The following MCUB variants were observed in gnomAD, a reference collection of about 807,000 sequenced individuals.
MCUB encodes calcium uniporter regulatory subunit MCUb, mitochondrial.
MCUB carries 46 observed loss-of-function variants against 41.4 expected under a neutral mutation model. That is an observed-to-expected ratio of 1.11 (90% CI 0.88 to 1.42). The LOEUF (loss-of-function observed/expected upper bound fraction) is 1.42, where lower values mean the gene tolerates loss of function less well. MCUB is among the 40% of genes most tolerant of loss of function. The pLI, the probability that MCUB is intolerant of heterozygous loss-of-function variation, is 0.00. For synonymous variants in MCUB, 148 were observed against 148.2 expected (o/e 1.00, Z 0.01); for missense variants, 403 against 404.9 (o/e 1.00, Z 0.04).
chr4:109,618,655 A>G (rs1406597060), intron 1 of MCUB, among the ~76,000 whole-genome samples: 2 of 152,244 alleles, frequency 1.3e-5, no homozygotes, highest in Non-Finnish European at 2.9e-5. Context: ...ATAATTAGCA[A>G]AGATACAAAA....
intron 1 of MCUB, among the ~76,000 whole-genome samples, chr4:109,568,989 T>A (rs908445861): frequency 1.3e-4 from 20 of 152,234 alleles, no homozygotes; most frequent in African/African-American, 3.1e-4. Context: ...GAAGATTTTT[T>A]AAAAGTTAAC....
At chr4:109,632,006 T>A (rs1160503367) in intron 1 of MCUB, among the ~76,000 whole-genome samples, 1 of 152,146 alleles carries the variant, frequency 6.6e-6, no homozygotes, top group Non-Finnish European at 1.5e-5. Flanking sequence ...TTGGCGCTGA[T>A]GCTTGTGTAT....
chr4:109,653,369 A>G (rs1579084796), intron 1 of MCUB, among the ~76,000 whole-genome samples: 1 of 148,624 alleles, frequency 6.7e-6, no homozygotes, highest in Non-Finnish European at 1.5e-5. Flanking sequence ...ACAGAGCAAG[A>G]CCCCGTCTTA....
At chr4:109,664,153 T>C in intron 3 of MCUB, 137 bp from the exon 4 acceptor site, 1 of 629,992 alleles carries the variant, frequency 1.6e-6, no homozygotes, top group Non-Finnish European at 2.8e-6. Flanking sequence ...GTGTTTGGGT[T>C]TGGGGACACC....
intron 1 of MCUB, among the ~76,000 whole-genome samples, chr4:109,652,596 A>G (rs1421159084): frequency 6.6e-6 from 1 of 152,136 alleles, no homozygotes; most frequent in Non-Finnish European, 1.5e-5. Context: ...GCGGAGAGAG[A>G]AAGCTCAATC....
chr4:109,597,046 G>C (rs1197616675), intron 1 of MCUB, among the ~76,000 whole-genome samples: 69 of 151,648 alleles, frequency 4.6e-4, no homozygotes, highest in African/African-American at 1.5e-3. Context: ...CACAGGGTTG[G>C]GGGTAAGGTC....
chr4:109,677,682 C>T (rs916791856), intron 4 of MCUB, among the ~76,000 whole-genome samples: 1 of 152,090 alleles, frequency 6.6e-6, no homozygotes, highest in Admixed American at 6.6e-5. Context: ...CTCTCTCTCA[C>T]CCACGTAATG....
At chr4:109,581,101 G>C (rs1288882835) in intron 1 of MCUB, among the ~76,000 whole-genome samples, 2 of 152,180 alleles carry the variant, frequency 1.3e-5, no homozygotes, top group Non-Finnish European at 2.9e-5. Context: ...AACAAAGCTG[G>C]AGGCATCATG....
At chr4:109,564,478 C>G (rs1333631499) in intron 1 of MCUB, among the ~76,000 whole-genome samples, 1 of 152,180 alleles carries the variant, frequency 6.6e-6, no homozygotes, top group African/African-American at 2.4e-5. Context: ...TCTTGCCTCT[C>G]TTTCACTGTT....
intron 1 of MCUB, among the ~76,000 whole-genome samples, chr4:109,617,276 G>A (rs1244803857): frequency 6.6e-6 from 1 of 152,162 alleles, no homozygotes; most frequent in Non-Finnish European, 1.5e-5. Flanking sequence ...CATTTTGATA[G>A]GGCAATTTTT....
intron 4 of MCUB, among the ~76,000 whole-genome samples, chr4:109,676,187 G>A (rs920078267): frequency 2.6e-5 from 4 of 152,116 alleles, no homozygotes; most frequent in African/African-American, 9.7e-5. Context: ...ATAGCTGTAG[G>A]AAGTCTAAAA....
intron 7 of MCUB, among the ~76,000 whole-genome samples, chr4:109,686,882 T>TA (rs1259452855): frequency 6.6e-6 from 1 of 150,900 alleles, no homozygotes; most frequent in African/African-American, 2.4e-5. Flanking sequence ...ATCTCTAAAA[T>TA]AAAAAAATTT....
rs749852462 is a variant in MCUB, at chr4:109,684,572, A to G, written c.742A>G (p.Met248Val). Residue 248 changes from methionine to valine, a missense_variant, in exon 6 of 8, where the codon ATG (methionine) becomes GTG (valine). Met to Val is a conservative substitution (Grantham distance 21, BLOSUM62 1). Transcript: ENST00000394650. ...GTGGTGGGTGTACTCCTGGGATATC[A>G]TGGAGCCAGTTACATACTTCATCAC... ...LTWWVYSWDI[M>V]EPVTYFITFA... is the part of the protein sequence containing the mutation. 3 of 1,605,062 alleles carry G rather than the reference A, an allele frequency of 1.9e-6. No individual in the cohort carries two copies. Among genetic ancestry groups the G allele is most frequent in the East Asian group, 4.5e-5 (2 of 44,848 alleles).
At chr4:109,664,417 T>C in intron 4 of MCUB, 23 bp downstream of exon 4, 1 of 856,754 alleles carries the variant, frequency 1.2e-6, no homozygotes. Flanking sequence ...GCTATCCAAC[T>C]ATTACTTTTT....
chr4:109,648,762 G>T (rs1728895127), intron 1 of MCUB: 4 of 330,968 alleles, frequency 1.2e-5, no homozygotes, highest in Non-Finnish European at 2.3e-5. Flanking sequence ...TTGACGCTCA[G>T]TGTGAGATTC....
At chr4:109,632,089 G>A (rs1217335103) in intron 1 of MCUB, among the ~76,000 whole-genome samples, 2 of 152,104 alleles carry the variant, frequency 1.3e-5, no homozygotes, top group Non-Finnish European at 2.9e-5. Context: ...TTATTAAGGA[G>A]CACTAAGATC....
At position 109,664,410 on chromosome 4, in the gene MCUB, A is replaced by T. The variant is rs754158682; in HGVS notation, c.451+16A>T. ...CCAAAGAGAGGTAAGAAACACAGCT[A>T]TCCAACTATTACTTTTTTTTTTTTT... On this transcript the variant is annotated intron_variant, in intron 4 of 7. Coordinates refer to ENST00000394650, the MANE Select transcript of MCUB (RefSeq NM_017918.5). 1 of 956,630 alleles carries T rather than the reference A, an allele frequency of 1.0e-6. No individual in the cohort carries two copies. The highest frequency in any genetic ancestry group is 1.6e-6 in the Non-Finnish European group (1 of 619,740). The allele number at this position is 956,630 out of a possible 1,614,324, so 59.3% of individuals were successfully genotyped here.
intron 4 of MCUB, among the ~76,000 whole-genome samples, chr4:109,667,810 A>G (rs1030800789): frequency 2.0e-5 from 3 of 151,246 alleles, no homozygotes; most frequent in African/African-American, 4.8e-5. Context: ...CCCTCTGAGC[A>G]TTGCTTTCAC....
chr4:109,633,741 G>A (rs989719631), intron 1 of MCUB, among the ~76,000 whole-genome samples: 3 of 152,132 alleles, frequency 2.0e-5, no homozygotes, highest in Non-Finnish European at 4.4e-5. Context: ...TCAAAGCAAG[G>A]AAGACAACTT....
Sources: allele counts gnomAD v4.1 joint callset (sites outside exome capture counted in the v4.1 genomes callset), GRCh38; gene constraint gnomAD v4.1.1; transcripts MANE v1.5; gene names NCBI Gene and HGNC (gene_info 2026-07-23, HGNC 2026-07-21).